The following RAB30 variants were observed in gnomAD, a reference collection of about 807,000 sequenced individuals.
RAB30 encodes ras-related protein Rab-30.
Under a neutral mutation model 25.1 loss-of-function variants are expected in RAB30, and 9 were observed. That is an observed-to-expected ratio of 0.36 (90% CI 0.22 to 0.63). The LOEUF (loss-of-function observed/expected upper bound fraction) is 0.63, where lower values mean the gene tolerates loss of function less well. Ranked by LOEUF, RAB30 falls within the 20% of genes least tolerant of loss-of-function variation. The pLI is 0.69. For synonymous variants in RAB30, 77 were observed against 86.4 expected (o/e 0.89, Z 0.60); for missense variants, 140 against 243.5 (o/e 0.58, Z 2.83).
intron 1 of RAB30, among the ~76,000 whole-genome samples, chr11:83,046,364 G>T (rs549996229): frequency 2.0e-5 from 3 of 152,276 alleles, no homozygotes; most frequent in African/African-American, 7.2e-5. Flanking sequence ...GGGCTGGAGA[G>T]GTATTCCACC....
Position 83,025,162 on chromosome 11 carries a change from C to T in RAB30, c.-8-27838G>A, listed in dbSNP as rs572473398. On this transcript the variant is annotated intron_variant, in intron 1 of 4. Transcript: ENST00000527633. Reference sequence around the variant, plus strand: ...CTTCACATTGATAATACCTTCATATCTGATTTTTTAACAACAAAATCAGCA... The same window carrying T: ...CTTCACATTGATAATACCTTCATATTTGATTTTTTAACAACAAAATCAGCA... Among the ~76,000 whole-genome samples the T allele has an allele frequency of 3.3e-5, 5 of 152,310 alleles. No individual in the cohort carries two copies. The East Asian group carries it at 9.6e-4, about 29-fold the overall frequency.
chr11:83,065,058 A>C (rs758165252), intron 1 of RAB30, among the ~76,000 whole-genome samples: 12 of 152,232 alleles, frequency 7.9e-5, no homozygotes, highest in Non-Finnish European at 1.5e-4. Flanking sequence ...TATGTCCCAC[A>C]ATCTGGATTT....
At chr11:82,992,895 T>A (rs1445113341) in intron 3 of RAB30, among the ~76,000 whole-genome samples, 1 of 152,172 alleles carries the variant, frequency 6.6e-6, no homozygotes. Context: ...TACAGGCGCA[T>A]GCCACCATGA....
chr11:83,036,149 C>A (rs1214406571), intron 1 of RAB30, among the ~76,000 whole-genome samples: 6 of 150,908 alleles, frequency 4.0e-5, no homozygotes, highest in African/African-American at 7.3e-5. Flanking sequence ...CAGGAAGTGG[C>A]AAAGCTCAGG....
intron 1 of RAB30, among the ~76,000 whole-genome samples, chr11:83,021,202 T>C (rs749011316): frequency 2.0e-5 from 3 of 152,230 alleles, no homozygotes; most frequent in Admixed American, 6.5e-5. Flanking sequence ...TCATTCTTCC[T>C]GGTCATAGGA....
rs1270195268 is a variant in RAB30, at chr11:82,974,604, A to G, written c.*7561T>C. The G allele has an allele frequency of 2.0e-5, 3 of 152,194 alleles. No individual in the cohort carries two copies. Among genetic ancestry groups the G allele is most frequent in the African/African-American group, 7.2e-5 (3 of 41,464 alleles). The allele number at this position is 152,194 out of a possible 1,614,324, so 9.4% of individuals were successfully genotyped here. ...ATCCTATGCTTAAAACCAATAGCCA[A>G]ATATCAAGAATCGAGTTCATAAAAC... On this transcript the variant is annotated 3_prime_UTR_variant, in exon 5 of 5. Transcript: ENST00000527633.
intron 1 of RAB30, chr11:83,038,918 A>T (rs1423881223): frequency 2.6e-5 from 4 of 152,162 alleles, no homozygotes; most frequent in African/African-American, 4.8e-5. Flanking sequence ...ATGTGCATTT[A>T]AAAAAATCCA....
rs1226270172 is a variant in RAB30 at position 82,979,649 on chromosome 11, A to T, written c.*2516T>A. On this transcript the variant is annotated 3_prime_UTR_variant, in exon 5 of 5. Transcript: ENST00000527633. ...TTTGACTAATATTTATTGCACCTAC[A>T]ATATTGTCAGGGATTGTTTTCAAAC... The T allele has an allele frequency of 1.3e-5, 2 of 152,170 alleles. No individual in the cohort carries two copies. Among genetic ancestry groups the T allele is most frequent in the Non-Finnish European group, 1.5e-5 (1 of 68,022 alleles). 9.4% of individuals were successfully genotyped at this position (152,170 alleles called of 1,614,324 possible).
intron 1 of RAB30, among the ~76,000 whole-genome samples, chr11:83,052,378 C>T (rs555366181): frequency 6.7e-4 from 102 of 152,290 alleles, no homozygotes; most frequent in African/African-American, 2.4e-3. Flanking sequence ...CTCCTGACCT[C>T]GGATCCTCTA....
intron 1 of RAB30, among the ~76,000 whole-genome samples, chr11:83,008,909 A>G (rs1857244087): frequency 6.6e-6 from 1 of 152,144 alleles, no homozygotes; most frequent in African/African-American, 2.4e-5. Context: ...GATGCAGTTC[A>G]ACTCCTTAGG....
chr11:82,997,932 T>C (rs1856992506), intron 1 of RAB30, among the ~76,000 whole-genome samples: 1 of 152,188 alleles, frequency 6.6e-6, no homozygotes, highest in South Asian at 2.1e-4. Flanking sequence ...GCCTGTCTGT[T>C]CACTCCTCTG....
At chr11:82,998,030 C>G (rs1412275045) in intron 1 of RAB30, among the ~76,000 whole-genome samples, 1 of 152,134 alleles carries the variant, frequency 6.6e-6, no homozygotes, top group Non-Finnish European at 1.5e-5. Context: ...CCAATGCCAG[C>G]AATTCTTTCT....
At position 82,977,535 on chromosome 11, in the gene RAB30, G is replaced by C. The variant is rs571277231; in HGVS notation, c.*4630C>G. On this transcript the variant is annotated 3_prime_UTR_variant, in exon 5 of 5. Coordinates refer to ENST00000527633, the MANE Select transcript of RAB30 (RefSeq NM_001286060.2). ...ATTACCTGAGGCAGACTGTCCCATA[G>C]TGAACCAACTTTTTGAGAATGGTCG... The C allele has an allele frequency of 6.6e-6, 1 of 152,312 alleles. No homozygotes were observed. The highest frequency in any genetic ancestry group is 1.5e-5 in the Non-Finnish European group (1 of 68,042). The allele number at this position is 152,312 out of a possible 1,614,324, so 9.4% of individuals were successfully genotyped here.
intron 1 of RAB30, among the ~76,000 whole-genome samples, chr11:83,007,854 T>G (rs1366030847): frequency 1.3e-5 from 2 of 152,226 alleles, no homozygotes; most frequent in Non-Finnish European, 2.9e-5. Context: ...AGTTGGAGAC[T>G]TCTGTCTGCA....
At chr11:83,067,036 C>T (rs1052765126) in intron 1 of RAB30, among the ~76,000 whole-genome samples, 15 of 152,242 alleles carry the variant, frequency 9.9e-5, no homozygotes, top group Non-Finnish European at 1.9e-4. Context: ...TGTTGGGTGC[C>T]TGGAAACACA....
At chr11:82,994,556 A>G (rs1001906242) in intron 2 of RAB30, among the ~76,000 whole-genome samples, 2 of 152,202 alleles carry the variant, frequency 1.3e-5, no homozygotes, top group Non-Finnish European at 1.5e-5. Context: ...AAAATCAAGG[A>G]TACTTAAAAC....
rs1368778900 is a variant in RAB30 at position 82,974,784 on chromosome 11, T to G, written c.*7381A>C. Reference sequence around the variant, plus strand: ...AATATTTTAACTAGCTGCTGAGATCTCCAGAATTATATATTTTGCATTTTA... The same window carrying G: ...AATATTTTAACTAGCTGCTGAGATCGCCAGAATTATATATTTTGCATTTTA... On this transcript the variant is annotated 3_prime_UTR_variant, in exon 5 of 5. Coordinates refer to ENST00000527633, the MANE Select transcript of RAB30 (RefSeq NM_001286060.2). 1 of 152,090 alleles carries G rather than the reference T, an allele frequency of 6.6e-6. No homozygotes were observed. Among genetic ancestry groups the G allele is most frequent in the African/African-American group, 2.4e-5 (1 of 41,428 alleles). The allele number at this position is 152,090 out of a possible 1,614,324, so 9.4% of individuals were successfully genotyped here. A position where few individuals can be genotyped will look rare whatever the true frequency, so the allele number is the denominator to read the frequency against.
intron 1 of RAB30, among the ~76,000 whole-genome samples, chr11:83,046,814 G>A (rs182024531): frequency 2.5e-3 from 382 of 152,186 alleles, no homozygotes; most frequent in African/African-American, 8.5e-3. Context: ...ATTTTTTAAT[G>A]ATTGCAAAAA....
In RAB30 at chr11:82,997,339, C is replaced by A; in HGVS notation, c.-8-15G>T. On this transcript the variant is annotated splice_polypyrimidine_tract_variant and intron_variant, in intron 1 of 4. Transcript: ENST00000527633. Reference sequence around the variant, plus strand: ...CATTTACACAGCTGCAAGGCAAACACAGGCAAAAGTGAGAAAGGCCCAGTC... The same window carrying A: ...CATTTACACAGCTGCAAGGCAAACAAAGGCAAAAGTGAGAAAGGCCCAGTC... 1 of 1,558,118 alleles carries A rather than the reference C, an allele frequency of 6.4e-7. No individual in the cohort carries two copies. The highest frequency in any genetic ancestry group is 8.9e-7 in the Non-Finnish European group (1 of 1,129,504).
Sources: allele counts gnomAD v4.1 joint callset (sites outside exome capture counted in the v4.1 genomes callset), GRCh38; gene constraint gnomAD v4.1.1; transcripts MANE v1.5; gene names NCBI Gene and HGNC (gene_info 2026-07-23, HGNC 2026-07-21).